Variants in ARHGEF15 observed in about 807,000 individuals in gnomAD.
ARHGEF15 encodes Rho guanine nucleotide exchange factor 15.
ARHGEF15 carries 58 observed loss-of-function variants against 79.7 expected under a neutral mutation model. The ratio of observed to expected loss-of-function variants is 0.73; its 90% CI spans 0.59 to 0.91. ARHGEF15 has a LOEUF of 0.91. ARHGEF15 is among the 40% of genes least tolerant of loss of function. The pLI, the probability that ARHGEF15 is intolerant of heterozygous loss-of-function variation, is 0.00. For synonymous variants in ARHGEF15, 442 were observed against 456.0 expected (o/e 0.97, Z 0.39); for missense variants, 1,012 against 1,108.1 (o/e 0.91, Z 1.23).
At chr17:8,317,008 C>T (rs1480413372) in intron 9 of ARHGEF15, among the ~76,000 whole-genome samples, 1 of 152,130 alleles carries the variant, frequency 6.6e-6, no homozygotes, top group East Asian at 1.9e-4. Context: ...CTATCGAACT[C>T]CTGACCTCAT....
chr17:8,318,281 C>T lies in ARHGEF15; in HGVS notation c.1705-106C>T. 9.2e-7 allele frequency: 1 copy of T among 1,086,670 alleles called. No individual in the cohort carries two copies. The highest frequency in any genetic ancestry group is 1.4e-6 in the Non-Finnish European group (1 of 739,848). 67.3% of individuals were successfully genotyped at this position (1,086,670 alleles called of 1,614,324 possible). A position where few individuals can be genotyped will look rare whatever the true frequency, so the allele number is the denominator to read the frequency against. On this transcript the variant is annotated intron_variant, in intron 9 of 15. Coordinates refer to ENST00000361926, the MANE Select transcript of ARHGEF15 (RefSeq NM_173728.4). The surrounding 1 kb of genome is among the most constrained non-coding windows in gnomAD (Gnocchi z 5.0). ...GATGGTGAGTGATGAGGTCTGTCAG[C>T]CTTGTTGAAACTGGCTGAAACAGAC...
At chr17:8,319,893 A>G (rs937648817) in intron 15 of ARHGEF15, among the ~76,000 whole-genome samples, 1 of 151,366 alleles carries the variant, frequency 6.6e-6, no homozygotes, top group African/African-American at 2.4e-5. Context: ...TTCACCTCCC[A>G]AAGTGCTGGG....
intron 15 of ARHGEF15, among the ~76,000 whole-genome samples, chr17:8,319,988 C>T (rs1424002540): frequency 6.7e-6 from 1 of 149,614 alleles, no homozygotes; most frequent in Non-Finnish European, 1.5e-5. Flanking sequence ...CTATGTTGCT[C>T]AGGCTGGTCT....
chr17:8,311,609 C>T (rs995657166), intron 1 of ARHGEF15, among the ~76,000 whole-genome samples: 1 of 152,000 alleles, frequency 6.6e-6, no homozygotes, highest in Non-Finnish European at 1.5e-5. Context: ...ACCCAGACAG[C>T]GCAGAACACA....
At position 8,313,565 on chromosome 17, in the gene ARHGEF15, AC is replaced by A. The variant is rs1597461984; in HGVS notation, c.989+15del. On this transcript the variant is annotated intron_variant, in intron 4 of 15. Transcript: ENST00000361926. ...CAACTGTGGAGGGGAGGTACTGAAC[AC>A]CCCCACCCCTACTCCCTGGTTCTCT... The A allele has an allele frequency of 6.2e-7, 1 of 1,608,488 alleles. No homozygotes were observed. Among genetic ancestry groups the A allele is most frequent in the Middle Eastern group, 1.8e-4 (1 of 5,700 alleles).
In ARHGEF15 at chr17:8,321,140, C is replaced by A; in HGVS notation, c.*147C>A. On this transcript the variant is annotated 3_prime_UTR_variant, in exon 16 of 16. Coordinates refer to ENST00000361926, the MANE Select transcript of ARHGEF15 (RefSeq NM_173728.4). ...AGATCGAGCTTCAGGACAGAGCAGC[C>A]AATGAAAACGGCCGCCTGAACCCAC... is the stretch of plus-strand genomic sequence containing the variant. 4.3e-4 allele frequency: 456 copies of A among 1,057,844 alleles called. No homozygotes were observed. Among genetic ancestry groups the A allele is most frequent in the East Asian group, 9.4e-4 (34 of 36,036 alleles). 65.5% of individuals were successfully genotyped at this position (1,057,844 alleles called of 1,614,324 possible).
At position 8,321,040 on chromosome 17, in the gene ARHGEF15, G is replaced by T; in HGVS notation, c.*47G>T. On this transcript the variant is annotated 3_prime_UTR_variant, in exon 16 of 16. Coordinates refer to ENST00000361926, the MANE Select transcript of ARHGEF15 (RefSeq NM_173728.4). ...ATGTTGGGAGACACCTACCAGTGTG[G>T]CACGGAGAGAACAAAGCCCATTCAT... is the stretch of plus-strand genomic sequence containing the variant. 4 of 1,610,020 alleles carry T rather than the reference G, an allele frequency of 2.5e-6. No homozygotes were observed. In the South Asian group the frequency reaches 4.4e-5, roughly 18 times the overall value.
Position 8,312,401 on chromosome 17 carries a change from C to T in ARHGEF15, c.362C>T (p.Pro121Leu), listed in dbSNP as rs1318870002. ...GCTCCCCGGTCTCCAGTCCCCCCAC[C>T]CAAGCCGTCTGGGTCACCCTGCACG... The part of the protein sequence containing the change: ...EPAPRSPVPP[P>L]KPSGSPCTPL... Residue 121 changes from proline (P) to leucine (L), a missense_variant, in exon 2 of 16, where the codon CCC (proline) becomes CTC (leucine). Pro to Leu is a moderately conservative substitution (Grantham distance 98). Around this residue, in one of 3 missense-constraint regions of ARHGEF15, gnomAD observed 818 missense variants for 882.5 expected, o/e 0.93. Transcript: ENST00000361926. 1.2e-6 allele frequency: 2 copies of T among 1,612,878 alleles called. No homozygotes were observed. Among genetic ancestry groups the T allele is most frequent in the South Asian group, 2.2e-5 (2 of 90,956 alleles).
At chr17:8,320,480 A>T (rs891995561) in intron 15 of ARHGEF15, among the ~76,000 whole-genome samples, 6 of 152,108 alleles carry the variant, frequency 3.9e-5, no homozygotes, top group Non-Finnish European at 7.4e-5. Context: ...CTGGTGTGTG[A>T]CTGAGGAACT....
rs1360178178 is a variant in ARHGEF15 at position 8,316,127 on chromosome 17, C to A, written c.1683C>A (p.Thr561=). ...TGCTACTGCCCTTCCAGCGCATCACCCGGCTGCGCATGCTGCTGCAGGTAC... is the reference window on the plus strand; with the variant it reads ...TGCTACTGCCCTTCCAGCGCATCACACGGCTGCGCATGCTGCTGCAGGTAC... The part of the protein sequence containing the change: ...SFLLLPFQRI[T]RLRMLLQNIL... Residue 561 remains threonine (T), a synonymous_variant, in exon 9 of 16, where the codon ACC becomes ACA. Coordinates refer to ENST00000361926, the MANE Select transcript of ARHGEF15 (RefSeq NM_173728.4). The A allele has an allele frequency of 6.2e-7, 1 of 1,603,012 alleles. No homozygotes were observed. Among genetic ancestry groups the A allele is most frequent in the Non-Finnish European group, 8.5e-7 (1 of 1,179,242 alleles).
Position 8,315,603 on chromosome 17 carries a change from C to T in ARHGEF15, c.1421+29C>T. ...AGTGGCTTTCCGTCCTTCCAGGGAA[C>T]CTGCCCTTAGGCTGCTGGGCACGCC... On this transcript the variant is annotated intron_variant, in intron 7 of 15. Transcript: ENST00000361926. The surrounding 1 kb of genome is among the most constrained non-coding windows in gnomAD (Gnocchi z 4.3). 1 of 1,605,264 alleles carries T rather than the reference C, an allele frequency of 6.2e-7. No homozygotes were observed. The highest frequency in any genetic ancestry group is 8.5e-7 in the Non-Finnish European group (1 of 1,179,654).
chr17:8,312,893 T>C (rs759014867), intron 2 of ARHGEF15, 29 bp from the exon 3 acceptor site: 9 of 1,565,010 alleles, frequency 5.8e-6, no homozygotes, highest in Non-Finnish European at 7.8e-6. Context: ...CCCCAAGGGC[T>C]TTCTCCTTAG....
In ARHGEF15 at chr17:8,315,169, C is replaced by A. The variant is rs1484642653; in HGVS notation, c.1152C>A (p.Thr384=). The change falls in exon 6 of 16, where the codon ACC becomes ACA. Residue 384 remains threonine, a synonymous_variant. Transcript: ENST00000361926. This position sits in a 1 kb window ranked among gnomAD's most constrained non-coding sequence, Gnocchi z 4.3. The stretch of plus-strand genomic sequence containing the variant: ...CAGCAAATGCTGGAGATGCACCCAC[C>A]TTCCCACGACCCCCTGGACCTCGCA... ...PSPANAGDAP[T]FPRPPGPRNT... 1.2e-6 allele frequency: 2 copies of A among 1,614,066 alleles called. No individual in the cohort carries two copies.
chr17:8,318,751 C>A lies in ARHGEF15; in HGVS notation c.1874C>A (p.Ala625Asp). Residue 625 changes from alanine (A) to aspartate (D), a missense_variant and splice_region_variant, in exon 12 of 16, where the codon GCC becomes GAC. By Grantham distance (126) the Ala-to-Asp change is moderately radical (BLOSUM62 -2). This residue lies in a region of ARHGEF15 where 818 missense variants were observed against 882.5 expected (regional missense o/e 0.93). Coordinates refer to ENST00000361926, the MANE Select transcript of ARHGEF15 (RefSeq NM_173728.4). The surrounding 1 kb of genome is among the most constrained non-coding windows in gnomAD (Gnocchi z 5.0). The stretch of plus-strand genomic sequence containing the variant: ...TCCTCTGCCTCCGCTTCCTCGCAGG[C>A]CCTGCCCCTGGTCTCCTGGTCACGG... ...TQRLRFHKVK[A>D]LPLVSWSRRL... 6.2e-7 allele frequency: 1 copy of A among 1,612,494 alleles called. No homozygotes were observed.
rs756075166 is a variant in ARHGEF15 at position 8,312,407 on chromosome 17, C to T, written c.368C>T (p.Pro123Leu). Residue 123 changes from proline to leucine, a missense_variant, in exon 2 of 16, where the codon CCG (proline) becomes CTG (leucine). By Grantham distance (98) the Pro-to-Leu change is moderately conservative. Coordinates refer to ENST00000361926, the MANE Select transcript of ARHGEF15 (RefSeq NM_173728.4). ...APRSPVPPPK[P>L]SGSPCTPLLP... ...CGGTCTCCAGTCCCCCCACCCAAGC[C>T]GTCTGGGTCACCCTGCACGCCTCTG... The T allele has an allele frequency of 4.6e-5, 74 of 1,613,106 alleles. No homozygotes were observed. The highest frequency in any genetic ancestry group is 1.6e-4 in the Middle Eastern group (1 of 6,078).
Position 8,312,476 on chromosome 17 carries a change from C to A in ARHGEF15, c.437C>A (p.Ala146Asp), listed in dbSNP as rs759243254. Residue 146 changes from alanine to aspartate, a missense_variant, in exon 2 of 16, where the codon GCT (alanine) becomes GAT (aspartate). By Grantham distance (126) the Ala-to-Asp change is moderately radical. This residue lies in a region of ARHGEF15 where 818 missense variants were observed against 882.5 expected (regional missense o/e 0.93). Coordinates refer to ENST00000361926, the MANE Select transcript of ARHGEF15 (RefSeq NM_173728.4). The part of the protein sequence containing the change: ...GVLAQNGSAS[A>D]PGTVRRLAGR... ...CTGGCTCAGAATGGCTCTGCCTCAG[C>A]TCCTGGCACTGTGCGGAGGCTGGCT... The A allele has an allele frequency of 4.3e-6, 7 of 1,613,766 alleles. No homozygotes were observed. Among genetic ancestry groups the A allele is most frequent in the Non-Finnish European group, 1.7e-6 (2 of 1,179,916 alleles).
rs1284693321 is a variant in ARHGEF15 at position 8,320,896 on chromosome 17, CAG to C, written c.2430_2431del (p.Glu812ThrfsTer81). ...CCTGCCCAGCTGGTGTGTGAAGTCA[CAG>C]GGGAACACGAAAGGAGGAGGCACCT... On this transcript the variant is annotated frameshift_variant, in exon 16 of 16. Coordinates refer to ENST00000361926, the MANE Select transcript of ARHGEF15 (RefSeq NM_173728.4). LOFTEE classifies it high-confidence loss of function. The C allele has an allele frequency of 6.8e-6, 11 of 1,613,806 alleles. No homozygotes were observed. Among genetic ancestry groups the C allele is most frequent in the Non-Finnish European group, 9.3e-6 (11 of 1,180,014 alleles).
In ARHGEF15 at chr17:8,317,794, C is replaced by T. The variant is rs528176993; in HGVS notation, c.1705-593C>T. On this transcript the variant is annotated intron_variant, in intron 9 of 15. Coordinates refer to ENST00000361926, the MANE Select transcript of ARHGEF15 (RefSeq NM_173728.4). The stretch of plus-strand genomic sequence containing the variant: ...ATAATAGGAACCTTCGGGGCAGGCA[C>T]GGTGGCTCATGCCTGTAATCCCAGC... Among the ~76,000 whole-genome samples the T allele has an allele frequency of 2.0e-5, 3 of 152,302 alleles. No homozygotes were observed. In the South Asian group the frequency reaches 6.2e-4, roughly 32 times the overall value.
Position 8,318,316 on chromosome 17 carries a change from T to C in ARHGEF15, c.1705-71T>C. ...ACTGGCTGAAACAGACAGGGTCCTC[T>C]GAGCTGTGGCCCCTCTGAATCCCAG... is the stretch of plus-strand genomic sequence containing the variant. On this transcript the variant is annotated intron_variant, in intron 9 of 15. Transcript: ENST00000361926. This position sits in a 1 kb window ranked among gnomAD's most constrained non-coding sequence, Gnocchi z 5.0. 2 of 1,447,490 alleles carry C rather than the reference T, an allele frequency of 1.4e-6. No homozygotes were observed. Among genetic ancestry groups the C allele is most frequent in the South Asian group, 2.5e-5 (2 of 81,550 alleles). 89.7% of individuals were successfully genotyped at this position (1,447,490 alleles called of 1,614,324 possible). A position where few individuals can be genotyped will look rare whatever the true frequency, so the allele number is the denominator to read the frequency against.
Sources: gnomAD v4.1 joint callset for allele counts (sites outside exome capture counted in the v4.1 genomes callset) on GRCh38, gnomAD v4.1.1 for gene constraint, gnomAD v4.1.1 regional missense constraint, Gnocchi (gnomAD v3.1) non-coding constraint, MANE v1.5 for transcripts, NCBI Gene and HGNC (gene_info 2026-07-23, HGNC 2026-07-21) for gene names.